SETX: variants seen among roughly 807,000 people sequenced by gnomAD.
SETX encodes the protein helicase senataxin.
In SETX, 90 loss-of-function variants were observed where a neutral mutation model predicts 227.2. That is an observed-to-expected ratio of 0.40 (90% CI 0.33 to 0.47). The LOEUF is 0.47. Among genes scored for constraint, SETX ranks in the 20% least tolerant of loss-of-function variants. The probability of loss-of-function intolerance (pLI) is 0.91; values close to 1 mark genes in which losing one functional copy is unlikely to be tolerated. For missense variants in SETX, 3,052 were observed against 3,181.5 expected, an observed-to-expected ratio of 0.96 and a Z score of 0.98; for synonymous variants, 1,210 against 1,113.2, an observed-to-expected ratio of 1.09 and a Z score of -1.73.
Position 132,293,527 on chromosome 9 carries a change from TTC to T in SETX, c.6106+2343_6106+2344del, listed in dbSNP as rs1844467729. Among the ~76,000 whole-genome samples, 7 of 152,184 alleles carry T rather than the reference TTC, an allele frequency of 4.6e-5. No homozygotes were observed. The South Asian group carries it at 1.5e-3, about 32-fold the overall frequency. On this transcript the variant is annotated intron_variant, in intron 15 of 25. Transcript: ENST00000224140. ...ACCTCCACTTCCCGGGTTCAAGTGA[TTC>T]TCCCGCCTCAGCCTCCCGAGAAGCT...
At chr9:132,351,566 C>T (rs767266537) in intron 2 of SETX, among the ~76,000 whole-genome samples, 11 of 152,126 alleles carry the variant, frequency 7.2e-5, no homozygotes, top group Non-Finnish European at 1.6e-4. Context: ...TAGAAGATAA[C>T]GGAGAATACT....
chr9:132,350,286 G>A (rs1279762815), intron 2 of SETX, among the ~76,000 whole-genome samples: 1 of 152,126 alleles, frequency 6.6e-6, no homozygotes, highest in African/African-American at 2.4e-5. Context: ...GGAGGCAGAG[G>A]TTGCAGTGAG....
rs1846910694 is a variant in SETX, at chr9:132,327,599, G to A, written c.3999C>T (p.Asn1333=). 6.2e-7 allele frequency: 1 copy of A among 1,614,066 alleles called. No homozygotes were observed. Among genetic ancestry groups the A allele is most frequent in the Non-Finnish European group, 8.5e-7 (1 of 1,180,018 alleles). The change falls in exon 10 of 26, where the codon AAC becomes AAT. Residue 1333 remains asparagine (N), a synonymous_variant. Transcript: ENST00000224140. The stretch of plus-strand genomic sequence containing the variant: ...GTTTCTTATTATTTCTGACAGACAG[G>A]TTCTGAGGAGAAATTAATTTAGTCT... ...RKKTKLISPQ[N]LSVRNNKKLL...
chr9:132,315,796 T>A (rs1037870281), intron 10 of SETX, among the ~76,000 whole-genome samples: 1 of 152,174 alleles, frequency 6.6e-6, no homozygotes, highest in African/African-American at 2.4e-5. Context: ...TGATGCAGTG[T>A]CAGGAGTCTA....
At chr9:132,321,479 AC>A (rs1207141789) in intron 10 of SETX, among the ~76,000 whole-genome samples, 1 of 152,054 alleles carries the variant, frequency 6.6e-6, no homozygotes, top group Admixed American at 6.6e-5. Context: ...ACATGGTGAA[AC>A]CCCGTCTCTA....
chr9:132,353,981 C>A (rs913496662), intron 1 of SETX, among the ~76,000 whole-genome samples: 4 of 152,218 alleles, frequency 2.6e-5, no homozygotes, highest in African/African-American at 9.7e-5. Flanking sequence ...AGGCACCGAG[C>A]CAAAAATCCC....
chr9:132,303,885 G>A (rs556003891), intron 11 of SETX, among the ~76,000 whole-genome samples: 3 of 152,300 alleles, frequency 2.0e-5, no homozygotes, highest in East Asian at 1.9e-4. Flanking sequence ...ACTTTGGGAG[G>A]CCGAGGCGGG....
Position 132,277,152 on chromosome 9 carries a change from T to C in SETX, c.6843A>G (p.Arg2281=), listed in dbSNP as rs755766079. ...ATGAACATCGAATGGCTTCTGTCTG[T>C]CTGTAAAAAAAAAAAAGCAGTCAAC... ...YVYNRNLKTN[R]QTEAIRCSSD... The change falls in exon 22 of 26, where the codon AGA becomes AGG. Residue 2281 remains arginine, a splice_region_variant and synonymous_variant. Transcript: ENST00000224140. The C allele has an allele frequency of 4.4e-6, 7 of 1,605,216 alleles. No individual in the cohort carries two copies. The South Asian group carries it at 7.7e-5, about 18-fold the overall frequency.
chr9:132,336,403 A>T lies in SETX; in HGVS notation c.611T>A (p.Leu204His). Residue 204 changes from leucine (L) to histidine (H), a missense_variant, in exon 6 of 26, where the codon CTT becomes CAT. By Grantham distance (99) the Leu-to-His change is moderately conservative. Coordinates refer to ENST00000224140, the MANE Select transcript of SETX (RefSeq NM_015046.7). ...LCLFKVIELG[L>H]LESPDIYTSS... is the part of the protein sequence containing the mutation. ...AGTATAAATGTCTGGACTCTCTAAA[A>T]GCCCCAACTCAATGACTTTAAAAAG... 1 of 1,614,050 alleles carries T rather than the reference A, an allele frequency of 6.2e-7. No individual in the cohort carries two copies. Among genetic ancestry groups the T allele is most frequent in the Non-Finnish European group, 8.5e-7 (1 of 1,179,912 alleles).
intron 18 of SETX, among the ~76,000 whole-genome samples, chr9:132,284,112 T>C (rs552546570): frequency 6.6e-6 from 1 of 152,222 alleles, no homozygotes; most frequent in Non-Finnish European, 1.5e-5. Flanking sequence ...TTCAAGGCAT[T>C]CGTGTGAGCT....
At chr9:132,348,147 T>C (rs1344533926) in intron 3 of SETX, among the ~76,000 whole-genome samples, 1 of 150,600 alleles carries the variant, frequency 6.6e-6, no homozygotes, top group Non-Finnish European at 1.5e-5. Context: ...TCACCTGACG[T>C]CAGGAGTTTT....
intron 25 of SETX, 37 bp from the exon 26 acceptor site, chr9:132,265,022 A>G (rs758691664): frequency 6.2e-6 from 10 of 1,607,570 alleles, no homozygotes; most frequent in African/African-American, 4.0e-5. Context: ...ATTACACCCC[A>G]AAGAGACACT....
chr9:132,293,632 C>T (rs942420735), intron 15 of SETX, among the ~76,000 whole-genome samples: 2 of 152,108 alleles, frequency 1.3e-5, no homozygotes, highest in Non-Finnish European at 2.9e-5. Flanking sequence ...GTTGGTCAGG[C>T]TGGTCTCAAA....
Position 132,326,461 on chromosome 9 carries a change from A to T in SETX, c.5137T>A (p.Phe1713Ile). ...GGCCCACACTGACCAAAGTTCAAAA[A>T]CATTTCATATTTCCATTTTAAGACC... is the stretch of plus-strand genomic sequence containing the variant. Reference protein sequence around the residue: ...KEVLKWKYEMFLNFGQCGPPA... With the variant: ...KEVLKWKYEMILNFGQCGPPA... The change falls in exon 10 of 26, where the codon TTT (phenylalanine) becomes ATT (isoleucine). Residue 1713 changes from phenylalanine (F) to isoleucine (I), a missense_variant. This residue lies in a region of SETX where 1,483 missense variants were observed against 1,312.0 expected (regional missense o/e 1.13). Coordinates refer to ENST00000224140, the MANE Select transcript of SETX (RefSeq NM_015046.7). 1 of 1,614,236 alleles carries T rather than the reference A, an allele frequency of 6.2e-7. No homozygotes were observed. Among genetic ancestry groups the T allele is most frequent in the Non-Finnish European group, 8.5e-7 (1 of 1,180,040 alleles).
chr9:132,353,979 A>G lies in SETX; in HGVS notation c.-114-224T>C, dbSNP rs539440248. ...CACTCACGGGGACAGCTAGGCACCG[A>G]GCCAAAAATCCCCCAAGTTATTAGC... is the stretch of plus-strand genomic sequence containing the variant. On this transcript the variant is annotated intron_variant, in intron 1 of 25. Coordinates refer to ENST00000224140, the MANE Select transcript of SETX (RefSeq NM_015046.7). Among the ~76,000 whole-genome samples the G allele has an allele frequency of 6.6e-5, 10 of 152,326 alleles. No homozygotes were observed. In the South Asian group the frequency reaches 1.9e-3, roughly 28 times the overall value.
intron 2 of SETX, among the ~76,000 whole-genome samples, chr9:132,352,434 T>C (rs1848648792): frequency 6.6e-6 from 1 of 152,196 alleles, no homozygotes; most frequent in South Asian, 2.1e-4. Context: ...AGATTGAAGC[T>C]GCCCAGACTG....
intron 3 of SETX, among the ~76,000 whole-genome samples, chr9:132,347,702 C>G (rs2131564801): frequency 6.6e-6 from 1 of 152,086 alleles, no homozygotes; most frequent in South Asian, 2.1e-4. Flanking sequence ...TGGAGCCTCT[C>G]TGTCAAATGC....
chr9:132,278,046 T>C (rs1843265340), intron 21 of SETX, 24 bp downstream of exon 21: 4 of 1,602,634 alleles, frequency 2.5e-6, no homozygotes, highest in Non-Finnish European at 3.4e-6. Flanking sequence ...CAAAATAAGG[T>C]CACAAACAAT....
intron 7 of SETX, among the ~76,000 whole-genome samples, chr9:132,331,996 G>A (rs1847266502): frequency 6.6e-6 from 1 of 152,146 alleles, no homozygotes; most frequent in Non-Finnish European, 1.5e-5. Context: ...TAAGGAATAA[G>A]GCAAAGATAC....
Sources: allele counts gnomAD v4.1 joint callset (sites outside exome capture counted in the v4.1 genomes callset), GRCh38; gene constraint gnomAD v4.1.1; regional missense constraint gnomAD v4.1.1; transcripts MANE v1.5; gene names NCBI Gene and HGNC (gene_info 2026-07-23, HGNC 2026-07-21).